Variants in C2CD5 observed in about 807,000 individuals in gnomAD.
C2CD5 encodes C2 calcium dependent domain containing 5, also known as C2 domain-containing protein 5.
C2CD5 carries 109 observed loss-of-function variants against 130.3 expected under a neutral mutation model. The observed-to-expected ratio is 0.84, with a 90% CI of 0.72 to 0.98. The LOEUF (loss-of-function observed/expected upper bound fraction) is 0.98. Ranked by LOEUF, C2CD5 falls within the 50% of genes least tolerant of loss-of-function variation. C2CD5 has a pLI of 0.00. For missense variants in C2CD5, 996 were observed against 1,261.8 expected, an observed-to-expected ratio of 0.79 and a Z score of 3.19; for synonymous variants, 454 against 429.2, an observed-to-expected ratio of 1.06 and a Z score of -0.71.
intron 10 of C2CD5, among the ~76,000 whole-genome samples, chr12:22,503,557 C>T (rs955520273): frequency 9.2e-5 from 14 of 152,094 alleles, no homozygotes. Context: ...GTCACCTAGG[C>T]TGGAGTGCAG....
At position 22,472,476 on chromosome 12, in the gene C2CD5, C is replaced by T. The variant is rs992555072; in HGVS notation, c.2108-129G>A. The T allele has an allele frequency of 8.0e-6, 5 of 627,894 alleles. No individual in the cohort carries two copies. The African/African-American group carries it at 9.4e-5, about 12-fold the overall frequency. 38.9% of individuals were successfully genotyped at this position (627,894 alleles called of 1,614,324 possible). ...TCATTTTTTTTCTTCTAAAACTATA[C>T]CTGCAGGAGACTTTAAACCATCCTA... On this transcript the variant is annotated intron_variant, in intron 17 of 26. Coordinates refer to ENST00000446597, the MANE Select transcript of C2CD5 (RefSeq NM_001286176.2).
chr12:22,481,775 C>T (rs1443203469), intron 14 of C2CD5, among the ~76,000 whole-genome samples: 1 of 145,184 alleles, frequency 6.9e-6, no homozygotes, highest in Non-Finnish European at 1.5e-5. Context: ...CCCACTTAAG[C>T]TTCCTGCCAG....
intron 12 of C2CD5, among the ~76,000 whole-genome samples, chr12:22,486,301 T>A (rs568574624): frequency 6.6e-6 from 1 of 152,244 alleles, no homozygotes; most frequent in African/African-American, 2.4e-5. Flanking sequence ...ACTGCTCTCG[T>A]ATCGTTGGTT....
intron 14 of C2CD5, among the ~76,000 whole-genome samples, chr12:22,480,795 T>C (rs73076614): frequency 0.038 from 5,841 of 151,796 alleles, 127 homozygotes; most frequent in Non-Finnish European, 0.05. Flanking sequence ...ACTCTAAGTA[T>C]AAAAGAAATT....
rs1187576876 is a variant in C2CD5 at position 22,472,001 on chromosome 12, T to C, written c.2234A>G (p.Lys745Arg). ...ATTTTCACAGAGATCATTAAAGTTC[T>C]TATTGAGAGCTTGATTAGTCAGGTT... ...SLNLTNQALN[K>R]NFNDLCENLL... The change falls in exon 19 of 27, where the codon AAG (lysine) becomes AGG (arginine). Residue 745 changes from lysine (K) to arginine (R), a missense_variant. By Grantham distance (26) the Lys-to-Arg change is conservative. This residue lies in a region of C2CD5 where 590 missense variants were observed against 631.4 expected (regional missense o/e 0.93). Transcript: ENST00000446597. 1.2e-6 allele frequency: 2 copies of C among 1,609,356 alleles called. No homozygotes were observed. The highest frequency in any genetic ancestry group is 1.7e-6 in the Non-Finnish European group (2 of 1,176,482).
At chr12:22,460,643 T>C (rs1328926931) in intron 22 of C2CD5, 1 of 152,176 alleles carries the variant, frequency 6.6e-6, no homozygotes, top group East Asian at 1.9e-4. Flanking sequence ...AGTGGCACGG[T>C]ATCAGCTCAC....
At chr12:22,518,235 C>A in intron 7 of C2CD5, 98 bp from the exon 8 acceptor site, 1 of 1,145,980 alleles carries the variant, frequency 8.7e-7, no homozygotes, top group Non-Finnish European at 1.3e-6. Context: ...TGGGGCAGGG[C>A]CAGCAGTCAT....
chr12:22,459,383 G>A (rs928408595), intron 23 of C2CD5, 109 bp downstream of exon 23: 16 of 544,118 alleles, frequency 2.9e-5, no homozygotes, highest in Middle Eastern at 2.8e-4. Flanking sequence ...AGATTTTGGT[G>A]TCTATTCCAT....
chr12:22,529,913 A>T (rs1389641467), intron 3 of C2CD5, among the ~76,000 whole-genome samples: 1 of 151,868 alleles, frequency 6.6e-6, no homozygotes, highest in East Asian at 1.9e-4. Flanking sequence ...AACTGGAGCC[A>T]AAAGGACCTT....
Position 22,489,561 on chromosome 12 carries a change from G to A in C2CD5, c.1358+562C>T, listed in dbSNP as rs368063383. The stretch of plus-strand genomic sequence containing the variant: ...GATTATTTAAAGTATAGGGGAGAAT[G>A]TGCATAGGTTACATGCAAATACTAT... On this transcript the variant is annotated intron_variant, in intron 12 of 26. Transcript: ENST00000446597. Among the ~76,000 whole-genome samples, 19 of 152,168 alleles carry A rather than the reference G, an allele frequency of 1.2e-4. 1 individual carries two copies. Among genetic ancestry groups the A allele is most frequent in the African/African-American group, 4.3e-4 (18 of 41,516 alleles).
At chr12:22,544,258 G>T in intron 1 of C2CD5, 62 bp downstream of exon 1, 2 of 1,052,084 alleles carry the variant, frequency 1.9e-6, no homozygotes, top group Non-Finnish European at 2.7e-6. Context: ...GTAACTGACA[G>T]CGAAGGAGCG....
chr12:22,512,709 AAAG>A (rs1197659481), intron 9 of C2CD5: 54 of 1,466,530 alleles, frequency 3.7e-5, no homozygotes, highest in Middle Eastern at 1.7e-4. Context: ...TAAAAAAAAA[AAAG>A]AGAGAGAGAG....
chr12:22,544,320 T>C lies in C2CD5; in HGVS notation c.-30A>G, dbSNP rs1376377186. On this transcript the variant is annotated splice_region_variant and 5_prime_UTR_variant, in exon 1 of 27. Coordinates refer to ENST00000446597, the MANE Select transcript of C2CD5 (RefSeq NM_001286176.2). ...AGTCGCGCCACGGGTCGCCACTCACTGTCGCAGGAGGAAGGGTGCTGTCCC... is the reference window on the plus strand; with the variant it reads ...AGTCGCGCCACGGGTCGCCACTCACCGTCGCAGGAGGAAGGGTGCTGTCCC... 2 of 536,552 alleles carry C rather than the reference T, an allele frequency of 3.7e-6. No individual in the cohort carries two copies. Among genetic ancestry groups the C allele is most frequent in the Non-Finnish European group, 6.4e-6 (2 of 311,248 alleles). The allele number at this position is 536,552 out of a possible 1,614,324, so 33.2% of individuals were successfully genotyped here. A position where few individuals can be genotyped will look rare whatever the true frequency, so the allele number is the denominator to read the frequency against.
intron 25 of C2CD5, among the ~76,000 whole-genome samples, chr12:22,454,409 G>T (rs776384913): frequency 4.6e-5 from 7 of 152,074 alleles, no homozygotes; most frequent in Non-Finnish European, 8.8e-5. Context: ...TAAACAAATT[G>T]ATGATAAGCC....
chr12:22,459,158 C>T (rs1940585219), intron 23 of C2CD5, among the ~76,000 whole-genome samples: 1 of 152,040 alleles, frequency 6.6e-6, no homozygotes, highest in South Asian at 2.1e-4. Flanking sequence ...GGCAACAAAG[C>T]CTCTGATAAT....
intron 11 of C2CD5, among the ~76,000 whole-genome samples, chr12:22,491,878 C>CA (rs202192466): frequency 0.049 from 6,625 of 134,148 alleles, 188 homozygotes; most frequent in South Asian, 0.12. Context: ...TCTCAAAAAA[C>CA]AAAAAAAAAA....
At chr12:22,499,977 C>A (rs1947547509) in intron 10 of C2CD5, among the ~76,000 whole-genome samples, 1 of 152,080 alleles carries the variant, frequency 6.6e-6, no homozygotes, top group Non-Finnish European at 1.5e-5. Flanking sequence ...CCCTTGAGGT[C>A]AGAAGTTCGA....
intron 3 of C2CD5, among the ~76,000 whole-genome samples, chr12:22,534,173 G>T (rs1395335301): frequency 2.6e-5 from 4 of 152,126 alleles, no homozygotes; most frequent in Admixed American, 6.5e-5. Context: ...GGGCAACAAA[G>T]CAAGACTCTG....
chr12:22,523,190 G>A (rs1337472814), intron 7 of C2CD5, among the ~76,000 whole-genome samples: 1 of 151,612 alleles, frequency 6.6e-6, no homozygotes, highest in Non-Finnish European at 1.5e-5. Context: ...CTCCAGCCTG[G>A]GCAACAGAGC....
Sources: allele counts gnomAD v4.1 joint callset (sites outside exome capture counted in the v4.1 genomes callset), GRCh38; gene constraint gnomAD v4.1.1; regional missense constraint gnomAD v4.1.1; transcripts MANE v1.5; gene names NCBI Gene and HGNC (gene_info 2026-07-23, HGNC 2026-07-21).